Variants in DNAL1 observed in about 807,000 individuals in gnomAD.
The protein encoded by DNAL1 is dynein axonemal light chain 1.
DNAL1 carries 17 observed loss-of-function variants against 29.4 expected under a neutral mutation model. The ratio of observed to expected loss-of-function variants is 0.58; its 90% CI spans 0.40 to 0.87. DNAL1 has a LOEUF of 0.87. Among genes scored for constraint, DNAL1 ranks in the 40% least tolerant of loss-of-function variants. DNAL1 has a pLI of 0.00. For missense variants in DNAL1, 188 were observed against 214.1 expected (o/e 0.88, Z 0.76); for synonymous variants, 78 against 76.3 (o/e 1.02, Z -0.12).
chr14:73,682,334 CTAAT>C (rs1365277457), intron 5 of DNAL1, among the ~76,000 whole-genome samples: 18 of 124,200 alleles, frequency 1.4e-4, no homozygotes, highest in South Asian at 2.5e-4. Flanking sequence ...CCATGCCTGG[CTAAT>C]TTTTTTTTTT....
chr14:73,649,853 A>G (rs1891073410), intron 1 of DNAL1, among the ~76,000 whole-genome samples: 2 of 152,196 alleles, frequency 1.3e-5, no homozygotes, highest in African/African-American at 4.8e-5. Flanking sequence ...CAAGTCCCTT[A>G]CATATAATGG....
chr14:73,692,404 C>G (rs1176070374), intron 7 of DNAL1, among the ~76,000 whole-genome samples: 1 of 151,964 alleles, frequency 6.6e-6, no homozygotes, highest in Non-Finnish European at 1.5e-5. Context: ...ATCACTTGAA[C>G]CCGGGAGGCA....
chr14:73,695,825 G>C (rs535993021), intron 7 of DNAL1, 77 bp from the exon 8 acceptor site: 2 of 1,329,188 alleles, frequency 1.5e-6, no homozygotes, highest in East Asian at 2.6e-5. Flanking sequence ...CACCGTGCCC[G>C]GCCAGGAAAA....
At chr14:73,668,699 C>T (rs928061679) in intron 4 of DNAL1, among the ~76,000 whole-genome samples, 2 of 151,460 alleles carry the variant, frequency 1.3e-5, no homozygotes, top group African/African-American at 4.8e-5. Context: ...TTTTTTGAGA[C>T]AGAGCCTTGC....
chr14:73,685,322 G>A (rs974630708), intron 5 of DNAL1, among the ~76,000 whole-genome samples: 11 of 152,022 alleles, frequency 7.2e-5, no homozygotes, highest in African/African-American at 1.2e-4. Flanking sequence ...CCGTCTTTAC[G>A]AATTTAACTA....
At chr14:73,670,746 T>TTA (rs1198009482) in intron 4 of DNAL1, among the ~76,000 whole-genome samples, 2 of 145,486 alleles carry the variant, frequency 1.4e-5, no homozygotes, top group Non-Finnish European at 3.0e-5. Flanking sequence ...TTTATTATTA[T>TTA]TTTTTTTTGA....
At chr14:73,659,369 A>G (rs1891291764) in intron 3 of DNAL1, among the ~76,000 whole-genome samples, 1 of 151,426 alleles carries the variant, frequency 6.6e-6, no homozygotes, top group Non-Finnish European at 1.5e-5. Context: ...TCACCATGTT[A>G]GCCAGGATGA....
intron 7 of DNAL1, among the ~76,000 whole-genome samples, chr14:73,690,395 G>A (rs1254287872): frequency 3.3e-5 from 5 of 152,116 alleles, no homozygotes; most frequent in African/African-American, 1.2e-4. Context: ...GCTCATGCCT[G>A]TAATCCTAGC....
chr14:73,671,290 A>G (rs1286460179), intron 4 of DNAL1, among the ~76,000 whole-genome samples: 2 of 152,162 alleles, frequency 1.3e-5, no homozygotes, highest in Non-Finnish European at 2.9e-5. Context: ...ATTTAAGACC[A>G]TGTGTTCCAG....
In DNAL1 at chr14:73,645,059, C is replaced by T. The variant is rs747011129; in HGVS notation, c.3+17C>T. 6 of 1,607,386 alleles carry T rather than the reference C, an allele frequency of 3.7e-6. No homozygotes were observed. In the Admixed American group the frequency reaches 6.8e-5, roughly 18 times the overall value. ...GCCGGAATGGTGAGTACCTTTCGGG[C>T]CGCGTAGCCAAAGCTGAGAGAAGAT... is the stretch of plus-strand genomic sequence containing the variant. On this transcript the variant is annotated intron_variant, in intron 1 of 7. Coordinates refer to ENST00000553645, the MANE Select transcript of DNAL1 (RefSeq NM_031427.4).
intron 5 of DNAL1, among the ~76,000 whole-genome samples, chr14:73,683,435 T>C (rs1891939202): frequency 6.6e-6 from 1 of 152,176 alleles, no homozygotes; most frequent in Non-Finnish European, 1.5e-5. Flanking sequence ...AGCCCTATTA[T>C]AATCTTATGG....
Position 73,700,196 on chromosome 14 carries a change from A to G in DNAL1, c.*4254A>G, listed in dbSNP as rs1234221745. On this transcript the variant is annotated 3_prime_UTR_variant, in exon 8 of 8. Transcript: ENST00000553645. The stretch of plus-strand genomic sequence containing the variant: ...GTGAAACCCCATGTCTACCAAAAAT[A>G]TAAAAAGATAGCCGGGCGTGGTGGC... 6.6e-6 allele frequency: 1 copy of G among 152,204 alleles called. No individual in the cohort carries two copies. The highest frequency in any genetic ancestry group is 2.4e-5 in the African/African-American group (1 of 41,454). The allele number at this position is 152,204 out of a possible 1,614,324, so 9.4% of individuals were successfully genotyped here. A position where few individuals can be genotyped will look rare whatever the true frequency, so the allele number is the denominator to read the frequency against.
chr14:73,647,672 G>A (rs1203438486), intron 1 of DNAL1, among the ~76,000 whole-genome samples: 3 of 152,190 alleles, frequency 2.0e-5, no homozygotes, highest in Non-Finnish European at 2.9e-5. Flanking sequence ...TTAAGTCCAT[G>A]AGGACCTTCA....
intron 4 of DNAL1, among the ~76,000 whole-genome samples, chr14:73,669,991 ACACACACACATT>A (rs1891580205): frequency 6.6e-6 from 1 of 152,202 alleles, no homozygotes; most frequent in Admixed American, 6.6e-5. Context: ...ACATACACAC[ACACACACACATT>A]CACACACACA....
chr14:73,670,252 T>C (rs991950637), intron 4 of DNAL1, among the ~76,000 whole-genome samples: 3 of 152,198 alleles, frequency 2.0e-5, no homozygotes, highest in African/African-American at 7.2e-5. Context: ...CCAACAGAAC[T>C]GTCAGCACTG....
chr14:73,654,197 G>A (rs1891162206), intron 1 of DNAL1, among the ~76,000 whole-genome samples: 2 of 152,180 alleles, frequency 1.3e-5, no homozygotes, highest in African/African-American at 4.8e-5. Context: ...TAAGAAAGAT[G>A]TAGATCCTTA....
chr14:73,645,105 T>C (rs1199207979), intron 1 of DNAL1, 63 bp downstream of exon 1: 10 of 1,585,052 alleles, frequency 6.3e-6, no homozygotes, highest in South Asian at 1.2e-5. Flanking sequence ...AAAGGGTGAC[T>C]GTGGAGTGTT....
In DNAL1 at chr14:73,672,388, G is replaced by A. The variant is rs191014646; in HGVS notation, c.264+791G>A. On this transcript the variant is annotated intron_variant, in intron 5 of 7. Transcript: ENST00000553645. ...TGGGAGGCCGAGGCAGGCAGATCAC[G>A]AGGTCAGGAGATGGAGACCATCCTG... Among the ~76,000 whole-genome samples the A allele has an allele frequency of 3.3e-5, 5 of 152,062 alleles. 1 individual carries two copies. The highest frequency in any genetic ancestry group is 3.9e-4 in the East Asian group (2 of 5,142).
chr14:73,655,566 C>T (rs1012162010), intron 2 of DNAL1, among the ~76,000 whole-genome samples: 4 of 151,798 alleles, frequency 2.6e-5, no homozygotes, highest in South Asian at 2.1e-4. Context: ...AGGCTGGTCT[C>T]GAACTCCTGA....
Sources: gnomAD v4.1 joint callset for allele counts (sites outside exome capture counted in the v4.1 genomes callset) on GRCh38, gnomAD v4.1.1 for gene constraint, MANE v1.5 for transcripts, NCBI Gene and HGNC (gene_info 2026-07-23, HGNC 2026-07-21) for gene names.